The following CNTNAP2 variants were observed in gnomAD, a reference collection of about 807,000 sequenced individuals.
CNTNAP2 encodes contactin associated protein 2, also known as contactin-associated protein-like 2.
A neutral mutation model predicts 155.2 loss-of-function variants in CNTNAP2; 98 were observed. The observed-to-expected ratio is 0.63, with a 90% CI of 0.54 to 0.75. The LOEUF is 0.75. Ranked by LOEUF, CNTNAP2 falls within the 30% of genes least tolerant of loss-of-function variation. The pLI is 0.00. For missense variants in CNTNAP2, 1,727 were observed against 1,688.1 expected (o/e 1.02, Z -0.40); for synonymous variants, 651 against 631.2 (o/e 1.03, Z -0.47).
chr7:147,000,590 C>T (rs1043108034), intron 3 of CNTNAP2, among the ~76,000 whole-genome samples: 4 of 152,100 alleles, frequency 2.6e-5, no homozygotes, highest in South Asian at 4.1e-4. Flanking sequence ...TCCTTAAGCC[C>T]GTGACCACTG....
intron 1 of CNTNAP2, among the ~76,000 whole-genome samples, chr7:146,595,328 C>T (rs1421750908): frequency 6.6e-6 from 1 of 151,990 alleles, no homozygotes; most frequent in East Asian, 1.9e-4. Context: ...TCCAAAGATA[C>T]TAATAATCTA....
chr7:146,383,576 G>T (rs1324083921), intron 1 of CNTNAP2, among the ~76,000 whole-genome samples: 1 of 151,996 alleles, frequency 6.6e-6, no homozygotes, highest in African/African-American at 2.4e-5. Flanking sequence ...TCACTTTTTG[G>T]TGTGACCTAG....
rs145791976 is a variant in CNTNAP2 at position 146,742,795 on chromosome 7, G to T, written c.98-31476G>T. 2.1e-3 allele frequency among the ~76,000 whole-genome samples: 313 copies of T among 152,262 alleles called. 2 individuals carry two copies. Among genetic ancestry groups the T allele is most frequent in the South Asian group, 0.012 (59 of 4,822 alleles). ...TGTAATAGATATATTCGGGAAACGAGCTAGTATTTAGTTGAAAATTGTGTG... is the reference window on the plus strand; with the variant it reads ...TGTAATAGATATATTCGGGAAACGATCTAGTATTTAGTTGAAAATTGTGTG... On this transcript the variant is annotated intron_variant, in intron 1 of 23. Coordinates refer to ENST00000361727, the MANE Select transcript of CNTNAP2 (RefSeq NM_014141.6).
intron 13 of CNTNAP2, among the ~76,000 whole-genome samples, chr7:147,658,853 A>AG (rs1200853149): frequency 6.6e-6 from 1 of 152,152 alleles, no homozygotes; most frequent in Admixed American, 6.5e-5. Flanking sequence ...ATCAGGCTAC[A>AG]GTGGGGTCTT....
chr7:147,693,384 T>C (rs980387179), intron 13 of CNTNAP2, among the ~76,000 whole-genome samples: 1 of 152,062 alleles, frequency 6.6e-6, no homozygotes, highest in African/African-American at 2.4e-5. Flanking sequence ...CAAAATAGCT[T>C]GCTCAGATTT....
chr7:146,859,492 C>G (rs1795055290), intron 3 of CNTNAP2, among the ~76,000 whole-genome samples: 1 of 151,880 alleles, frequency 6.6e-6, no homozygotes, highest in South Asian at 2.1e-4. Flanking sequence ...CCCTGTCTCT[C>G]CTAAAAATAC....
chr7:147,772,320 G>A (rs1051391019), intron 13 of CNTNAP2, among the ~76,000 whole-genome samples: 8 of 150,274 alleles, frequency 5.3e-5, no homozygotes, highest in Non-Finnish European at 1.0e-4. Flanking sequence ...GGGAGGCTGA[G>A]GCAGGAGAAT....
At chr7:148,314,074 G>T (rs1247998521) in intron 21 of CNTNAP2, among the ~76,000 whole-genome samples, 1 of 152,118 alleles carries the variant, frequency 6.6e-6, no homozygotes, top group East Asian at 1.9e-4. Flanking sequence ...AGGATTGTAG[G>T]GTGGAGGAGT....
chr7:147,724,858 T>G (rs530743103), intron 13 of CNTNAP2, among the ~76,000 whole-genome samples: 3 of 151,930 alleles, frequency 2.0e-5, no homozygotes, highest in African/African-American at 7.2e-5. Context: ...CTGTGAGTTG[T>G]TGAAAAGGTT....
rs191834211 is a variant in CNTNAP2, at chr7:146,287,995, C to G, written c.97+171022C>G. Among the ~76,000 whole-genome samples the G allele has an allele frequency of 1.2e-4, 19 of 152,168 alleles. No individual in the cohort carries two copies. In the East Asian group the frequency reaches 3.3e-3, roughly 26 times the overall value. On this transcript the variant is annotated intron_variant, in intron 1 of 23. Coordinates refer to ENST00000361727, the MANE Select transcript of CNTNAP2 (RefSeq NM_014141.6). Reference sequence around the variant, plus strand: ...TGTCTTAAAATTAGAAAATCGATTCCTATGCACTTAAACAAGTGATAAAGA... The same window carrying G: ...TGTCTTAAAATTAGAAAATCGATTCGTATGCACTTAAACAAGTGATAAAGA...
chr7:147,899,243 G>A (rs1378712590), intron 13 of CNTNAP2, among the ~76,000 whole-genome samples: 1 of 152,156 alleles, frequency 6.6e-6, no homozygotes, highest in Non-Finnish European at 1.5e-5. Context: ...AGGAGGCTGA[G>A]GTGGGAGGAT....
intron 1 of CNTNAP2, among the ~76,000 whole-genome samples, chr7:146,228,993 GCTCT>G (rs1243091868): frequency 2.0e-5 from 3 of 151,986 alleles, no homozygotes; most frequent in African/African-American, 7.3e-5. Context: ...GTACAATCAA[GCTCT>G]CTATCTATTA....
At chr7:146,625,703 A>T (rs1012750474) in intron 1 of CNTNAP2, among the ~76,000 whole-genome samples, 1 of 152,094 alleles carries the variant, frequency 6.6e-6, no homozygotes, top group Non-Finnish European at 1.5e-5. Context: ...TTGGTTGTTA[A>T]CATGCCAACA....
At chr7:147,775,299 ATATATTTATAAATATATATATATT>A (rs1797555080) in intron 13 of CNTNAP2, among the ~76,000 whole-genome samples, 1 of 48,178 alleles carries the variant, frequency 2.1e-5, no homozygotes, top group African/African-American at 1.6e-4. Flanking sequence ...ATATATTTAT[ATATATTTATAAATATATATATATT>A]TATATATATT....
intron 17 of CNTNAP2, among the ~76,000 whole-genome samples, chr7:148,161,024 C>T (rs1306068517): frequency 2.0e-5 from 3 of 152,170 alleles, no homozygotes; most frequent in East Asian, 3.8e-4. Context: ...TCCCAACCCA[C>T]GAAAATGTTC....
At chr7:147,516,345 A>G (rs1243750826) in intron 11 of CNTNAP2, among the ~76,000 whole-genome samples, 1 of 152,122 alleles carries the variant, frequency 6.6e-6, no homozygotes, top group Non-Finnish European at 1.5e-5. Context: ...AATTTTTTCA[A>G]TTAAAAAAGT....
chr7:147,163,644 T>TTGTC (rs3084354), intron 8 of CNTNAP2, among the ~76,000 whole-genome samples: 1 of 151,526 alleles, frequency 6.6e-6, no homozygotes, highest in African/African-American at 2.4e-5. Flanking sequence ...AAATTTAACT[T>TTGTC]TAAGTCAGGC....
intron 13 of CNTNAP2, among the ~76,000 whole-genome samples, chr7:147,837,256 G>T (rs1046972785): frequency 2.6e-5 from 4 of 152,182 alleles, no homozygotes; most frequent in Admixed American, 1.3e-4. Flanking sequence ...CATGGTGGCA[G>T]ACAAGAGAAG....
At chr7:146,456,972 A>C (rs1402236291) in intron 1 of CNTNAP2, among the ~76,000 whole-genome samples, 1 of 152,030 alleles carries the variant, frequency 6.6e-6, no homozygotes, top group Non-Finnish European at 1.5e-5. Flanking sequence ...TCCATATAAA[A>C]ATTTTTATGT....
Sources: gnomAD v4.1 joint callset for allele counts (sites outside exome capture counted in the v4.1 genomes callset) on GRCh38, gnomAD v4.1.1 for gene constraint, MANE v1.5 for transcripts, NCBI Gene and HGNC (gene_info 2026-07-23, HGNC 2026-07-21) for gene names.